Variants in RPS6KA3 observed in about 807,000 individuals in gnomAD.
The protein encoded by RPS6KA3 is ribosomal protein S6 kinase alpha-3.
A neutral mutation model predicts 67.2 loss-of-function variants in RPS6KA3; 4 were observed. That is an observed-to-expected ratio of 0.06 (90% CI 0.03 to 0.14). The LOEUF (loss-of-function observed/expected upper bound fraction) is 0.14, where lower values mean the gene tolerates loss of function less well. Ranked by LOEUF, RPS6KA3 falls within the 10% of genes least tolerant of loss-of-function variation. RPS6KA3 has a pLI of 1.00. For synonymous variants in RPS6KA3, 182 were observed against 183.7 expected (o/e 0.99, Z 0.07); for missense variants, 204 against 559.0 (o/e 0.36, Z 6.40).
Position 20,152,041 on chromosome X carries a change from C to T in RPS6KA3, c.*3357G>A, listed in dbSNP as rs1259964668. 5 of 112,197 alleles carry T rather than the reference C, an allele frequency of 4.5e-5. No individual in the cohort carries two copies. Among genetic ancestry groups the T allele is most frequent in the Non-Finnish European group, 7.5e-5 (4 of 53,281 alleles). The allele number at this position is 112,197 out of a possible 1,213,427, so 9.2% of individuals were successfully genotyped here. ...AGATGGGAAATGGTTGACCCAAACC[C>T]GCTTTTTGGAGTACACTGCATGTGA... On this transcript the variant is annotated 3_prime_UTR_variant, in exon 22 of 22. Coordinates refer to ENST00000379565, the MANE Select transcript of RPS6KA3 (RefSeq NM_004586.3).
chrX:20,169,698 T>G, intron 15 of RPS6KA3: 1 of 461,828 alleles, frequency 2.2e-6, no homozygotes, highest in Non-Finnish European at 3.9e-6. Flanking sequence ...TTCTAACTCA[T>G]GAGTCGCATT....
chrX:20,187,140 C>A (rs1410092596), intron 9 of RPS6KA3, among the ~76,000 whole-genome samples: 1 of 111,938 alleles, frequency 8.9e-6, no homozygotes, highest in Non-Finnish European at 1.9e-5. Context: ...TGGTTTCGAA[C>A]TCCTGACTTT....
intron 1 of RPS6KA3, among the ~76,000 whole-genome samples, chrX:20,239,477 G>C (rs1489536853): frequency 9.0e-6 from 1 of 111,566 alleles, no homozygotes; most frequent in African/African-American, 3.2e-5. Context: ...ACAAAAAATA[G>C]TTTAAAAGTG....
Position 20,176,421 on chromosome X carries a change from A to G in RPS6KA3, c.999+13T>C. 1 of 1,159,150 alleles carries G rather than the reference A, an allele frequency of 8.6e-7. No homozygotes were observed. The highest frequency in any genetic ancestry group is 1.2e-6 in the Non-Finnish European group (1 of 848,715). On this transcript the variant is annotated intron_variant, in intron 12 of 21. Coordinates refer to ENST00000379565, the MANE Select transcript of RPS6KA3 (RefSeq NM_004586.3). The stretch of plus-strand genomic sequence containing the variant: ...AAAGAAATATTTCAAGCAAGTTTTC[A>G]TTCTATACTTACATTCCAGTCTATC...
At chrX:20,198,578 G>T (rs2068336648) in intron 4 of RPS6KA3, among the ~76,000 whole-genome samples, 1 of 111,969 alleles carries the variant, frequency 8.9e-6, no homozygotes, top group Admixed American at 9.5e-5. Context: ...CCTTTTTAAA[G>T]CTTCTTGTTC....
At chrX:20,216,655 T>A (rs2068859988) in intron 2 of RPS6KA3, among the ~76,000 whole-genome samples, 1 of 109,518 alleles carries the variant, frequency 9.1e-6, no homozygotes, top group Admixed American at 9.8e-5. Context: ...GAGAAAGACC[T>A]GAGGGAGGTG....
At chrX:20,160,254 G>A (rs1354827954) in intron 20 of RPS6KA3, among the ~76,000 whole-genome samples, 1 of 111,457 alleles carries the variant, frequency 9.0e-6, no homozygotes, top group Non-Finnish European at 1.9e-5. Context: ...GAGCAACCTG[G>A]GATTGGGAAT....
chrX:20,161,590 A>G, intron 20 of RPS6KA3, 54 bp downstream of exon 20: 1 of 582,745 alleles, frequency 1.7e-6, no homozygotes. Context: ...TCTTCTCACT[A>G]TGGATCATAA....
intron 13 of RPS6KA3, 43 bp downstream of exon 13, chrX:20,176,207 A>G (rs1365227345): frequency 1.2e-6 from 1 of 858,379 alleles, no homozygotes; most frequent in Admixed American, 2.2e-5. Context: ...AGAAAAAAAC[A>G]TATTTGTTGT....
rs761090880 is a variant in RPS6KA3 at position 20,152,169 on chromosome X, T to C, written c.*3229A>G. 1 of 112,536 alleles carries C rather than the reference T, an allele frequency of 8.9e-6. No individual in the cohort carries two copies. The highest frequency in any genetic ancestry group is 9.5e-5 in the Admixed American group (1 of 10,568). The allele number at this position is 112,536 out of a possible 1,213,427, so 9.3% of individuals were successfully genotyped here. On this transcript the variant is annotated 3_prime_UTR_variant, in exon 22 of 22. Coordinates refer to ENST00000379565, the MANE Select transcript of RPS6KA3 (RefSeq NM_004586.3). ...CATAGCATCTCAACTTTGGGCCTTG[T>C]CAAAATTATTACATTTTTGGACTTT...
In RPS6KA3 at chrX:20,242,655, G is replaced by T. The variant is rs1294976645; in HGVS notation, c.70-7841C>A. Among the ~76,000 whole-genome samples, 5 of 112,137 alleles carry T rather than the reference G, an allele frequency of 4.5e-5. No individual in the cohort carries two copies. The East Asian group carries it at 1.4e-3, about 31-fold the overall frequency. ...CGGAAACCATTCCAAAAGTAATAAT[G>T]TAAGAAATGTAAAGTTTAAAGTGTT... On this transcript the variant is annotated intron_variant, in intron 1 of 21. Transcript: ENST00000379565.
In RPS6KA3 at chrX:20,209,318, T is replaced by C. The variant is rs56338023; in HGVS notation, c.213A>G (p.Leu71=). The C allele has an allele frequency of 4.1e-3, 4,860 of 1,190,051 alleles. 8 individuals carry two copies. Among genetic ancestry groups the C allele is most frequent in the Non-Finnish European group, 4.8e-3 (4,210 of 877,260 alleles). The stretch of plus-strand genomic sequence containing the variant: ...CAAATGATCCCTGCCCTAATACTTT[T>C]AAAAGTTCAAACTGGGAAGGATCTG... The part of the protein sequence containing the change: ...EKADPSQFEL[L]KVLGQGSFGK... Residue 71 remains leucine, a synonymous_variant, in exon 3 of 22, where the codon TTA becomes TTG. Transcript: ENST00000379565.
intron 4 of RPS6KA3, among the ~76,000 whole-genome samples, chrX:20,202,704 T>C (rs954703943): frequency 7.1e-5 from 8 of 112,043 alleles, no homozygotes; most frequent in African/African-American, 2.3e-4. Flanking sequence ...TTAGGTTTCT[T>C]AGAGTTTTGT....
intron 2 of RPS6KA3, among the ~76,000 whole-genome samples, chrX:20,233,256 A>G (rs762964900): frequency 8.9e-6 from 1 of 112,457 alleles, no homozygotes; most frequent in South Asian, 3.7e-4. Flanking sequence ...AAGTATTCTC[A>G]TATACTGAAA....
chrX:20,171,558 G>A (rs2067575141), intron 15 of RPS6KA3, among the ~76,000 whole-genome samples: 1 of 111,822 alleles, frequency 8.9e-6, no homozygotes, highest in Non-Finnish European at 1.9e-5. Context: ...TGTGCTTGTG[G>A]ACCTCAAATA....
At position 20,155,282 on chromosome X, in the gene RPS6KA3, T is replaced by C; in HGVS notation, c.*116A>G. ...AGCAGCAGCAGGAACAGCAGCATTA[T>C]GGGTACCAGCTGGGACAGTGTGTGC... On this transcript the variant is annotated 3_prime_UTR_variant, in exon 22 of 22. Coordinates refer to ENST00000379565, the MANE Select transcript of RPS6KA3 (RefSeq NM_004586.3). The C allele has an allele frequency of 2.4e-6, 2 of 819,465 alleles. No individual in the cohort carries two copies. Among genetic ancestry groups the C allele is most frequent in the Non-Finnish European group, 3.7e-6 (2 of 539,587 alleles). The allele number at this position is 819,465 out of a possible 1,213,427, so 67.5% of individuals were successfully genotyped here.
At chrX:20,238,760 T>C (rs373449093) in intron 1 of RPS6KA3, among the ~76,000 whole-genome samples, 1 of 111,415 alleles carries the variant, frequency 9.0e-6, no homozygotes. Flanking sequence ...TTATCCTACA[T>C]ACCAGTGCAG....
intron 1 of RPS6KA3, 119 bp from the exon 2 acceptor site, chrX:20,234,933 A>T: frequency 1.9e-6 from 1 of 536,398 alleles, no homozygotes; most frequent in South Asian, 2.6e-5. Flanking sequence ...AAGGGCTCTA[A>T]TGAAGTAGAA....
chrX:20,156,019 A>G, intron 21 of RPS6KA3, 90 bp downstream of exon 21: 1 of 989,069 alleles, frequency 1.0e-6, no homozygotes, highest in South Asian at 1.9e-5. Context: ...ATGCAGGATG[A>G]AAGAGAAAGG....
Sources: gnomAD v4.1 joint callset for allele counts (sites outside exome capture counted in the v4.1 genomes callset) on GRCh38, gnomAD v4.1.1 for gene constraint, MANE v1.5 for transcripts, NCBI Gene and HGNC (gene_info 2026-07-23, HGNC 2026-07-21) for gene names.